Variants in PAXIP1 observed in about 807,000 individuals in gnomAD.
The protein encoded by PAXIP1 is PAX-interacting protein 1.
PAXIP1 carries 19 observed loss-of-function variants against 140.6 expected under a neutral mutation model. The observed-to-expected ratio is 0.14, with a 90% CI of 0.09 to 0.20. The LOEUF is 0.20. Among genes scored for constraint, PAXIP1 ranks in the 10% least tolerant of loss-of-function variants. The probability of loss-of-function intolerance (pLI) is 1.00; values close to 1 mark genes in which losing one functional copy is unlikely to be tolerated. For synonymous variants in PAXIP1, 442 were observed against 444.6 expected (o/e 0.99, Z 0.07); for missense variants, 920 against 1,208.6 (o/e 0.76, Z 3.54).
chr7:154,954,526 A>AT lies in PAXIP1; in HGVS notation c.2653-104dup. 4.2e-6 allele frequency: 3 copies of AT among 713,294 alleles called. No individual in the cohort carries two copies. The highest frequency in any genetic ancestry group is 6.0e-6 in the Non-Finnish European group (3 of 497,528). The allele number at this position is 713,294 out of a possible 1,614,324, so 44.2% of individuals were successfully genotyped here. A position where few individuals can be genotyped will look rare whatever the true frequency, so the allele number is the denominator to read the frequency against. ...GAATATCTACCTAAAGACAAGGTTTATGACTGTAATTCTCAGCCACAGAAA... is the reference window on the plus strand; with the variant it reads ...GAATATCTACCTAAAGACAAGGTTTATTGACTGTAATTCTCAGCCACAGAAA... On this transcript the variant is annotated intron_variant, in intron 15 of 20. Coordinates refer to ENST00000404141, the MANE Select transcript of PAXIP1 (RefSeq NM_007349.4). This position sits in a 1 kb window ranked among gnomAD's most constrained non-coding sequence, Gnocchi z 5.1.
intron 2 of PAXIP1, among the ~76,000 whole-genome samples, chr7:154,995,277 G>A (rs1810526969): frequency 6.6e-6 from 1 of 152,200 alleles, no homozygotes; most frequent in Non-Finnish European, 1.5e-5. Flanking sequence ...TTTAGGAAGG[G>A]CCAGTCTGGA....
At chr7:155,001,499 C>CT (rs773551845) in intron 1 of PAXIP1, 6,260 of 139,824 alleles carry the variant, frequency 0.045, 316 homozygotes, top group East Asian at 0.18. Flanking sequence ...AGATAGAAGG[C>CT]TTTTTTTTTT....
chr7:154,963,535 C>G lies in PAXIP1; in HGVS notation c.1989+136G>C, dbSNP rs1254186423. 8.0e-6 allele frequency: 5 copies of G among 623,494 alleles called. No homozygotes were observed. The highest frequency in any genetic ancestry group is 1.4e-5 in the Non-Finnish European group (5 of 346,788). 38.6% of individuals were successfully genotyped at this position (623,494 alleles called of 1,614,324 possible). A position where few individuals can be genotyped will look rare whatever the true frequency, so the allele number is the denominator to read the frequency against. ...ATATCAATCCCACCAAAGATTCGAT[C>G]ACAGGAAGAAGGAATTTTCCTATCT... is the stretch of plus-strand genomic sequence containing the variant. On this transcript the variant is annotated intron_variant, in intron 9 of 20. Transcript: ENST00000404141. This position sits in a 1 kb window ranked among gnomAD's most constrained non-coding sequence, Gnocchi z 4.1.
chr7:154,973,127 T>C lies in PAXIP1; in HGVS notation c.1074+2569A>G, dbSNP rs1437696911. ...AACTCGGCTGACCCCAGCGCTCTCA[T>C]GGGCACCCACCTGGACAATCCCTGG... On this transcript the variant is annotated intron_variant, in intron 6 of 20. Transcript: ENST00000404141. This position sits in a 1 kb window ranked among gnomAD's most constrained non-coding sequence, Gnocchi z 4.0. 3.3e-5 allele frequency among the ~76,000 whole-genome samples: 5 copies of C among 152,314 alleles called. No homozygotes were observed. The South Asian group carries it at 6.2e-4, about 19-fold the overall frequency.
intron 6 of PAXIP1, 74 bp downstream of exon 6, chr7:154,975,622 A>G: frequency 3.8e-6 from 4 of 1,065,002 alleles, no homozygotes; most frequent in Non-Finnish European, 4.0e-6. Flanking sequence ...AAACCAATAA[A>G]CTACATTGAA....
Position 154,961,598 on chromosome 7 carries a change from T to A in PAXIP1, c.2178A>T (p.Leu726Phe). The A allele has an allele frequency of 6.2e-7, 1 of 1,604,984 alleles. No homozygotes were observed. Among genetic ancestry groups the A allele is most frequent in the Non-Finnish European group, 8.5e-7 (1 of 1,174,682 alleles). The change falls in exon 11 of 21, where the codon TTA becomes TTT. Residue 726 changes from leucine (L) to phenylalanine (F), a missense_variant. By Grantham distance (22) the Leu-to-Phe change is conservative (BLOSUM62 0). Around this residue, in one of 5 missense-constraint regions of PAXIP1, gnomAD observed 303 missense variants for 517.9 expected, o/e 0.59. Coordinates refer to ENST00000404141, the MANE Select transcript of PAXIP1 (RefSeq NM_007349.4). The stretch of plus-strand genomic sequence containing the variant: ...ATTTGGCACCTGCCAAATAAGCCAT[T>A]AATTTTAGGTCATCTCTGTCACTAT... ...FVDSDRDDLK[L>F]MAYLAGAKYT...
At chr7:154,953,417 G>A (rs1808364416) in intron 16 of PAXIP1, among the ~76,000 whole-genome samples, 1 of 152,216 alleles carries the variant, frequency 6.6e-6, no homozygotes, top group South Asian at 2.1e-4. Flanking sequence ...TAGTGCCAGT[G>A]TGGTTGGGGC....
intron 13 of PAXIP1, among the ~76,000 whole-genome samples, chr7:154,958,098 G>C (rs1480467856): frequency 6.6e-6 from 1 of 151,676 alleles, no homozygotes; most frequent in African/African-American, 2.4e-5. Flanking sequence ...ATGACAATCA[G>C]ATCAACACTG....
At chr7:154,945,408 G>T in intron 20 of PAXIP1, 2 of 319,388 alleles carry the variant, frequency 6.3e-6, no homozygotes, top group Non-Finnish European at 9.1e-6. Flanking sequence ...ATGAATGTCA[G>T]TGTATTTAAA....
At chr7:154,980,991 C>T (rs954718263) in intron 5 of PAXIP1, among the ~76,000 whole-genome samples, 6 of 151,888 alleles carry the variant, frequency 4.0e-5, no homozygotes, top group African/African-American at 4.8e-5. Context: ...TGTGGTGGCA[C>T]GAGCCTGTAA....
rs1808409410 is a variant in PAXIP1 at position 154,954,236 on chromosome 7, T to TA, written c.2821+18dup. On this transcript the variant is annotated intron_variant, in intron 16 of 20. Transcript: ENST00000404141. The surrounding 1 kb of genome is among the most constrained non-coding windows in gnomAD (Gnocchi z 5.1). ...GTTTATTTGGCATTAAAAGCAAAGT[T>TA]ACTGGCGCTGCTCCTTACCAATGAA... 1 of 1,417,168 alleles carries TA rather than the reference T, an allele frequency of 7.1e-7. No individual in the cohort carries two copies. The highest frequency in any genetic ancestry group is 1.7e-5 in the South Asian group (1 of 58,536). 87.8% of individuals were successfully genotyped at this position (1,417,168 alleles called of 1,614,324 possible).
rs1050691310 is a variant in PAXIP1 at position 154,975,958 on chromosome 7, A to G, written c.812T>C (p.Val271Ala). 4.3e-6 allele frequency: 7 copies of G among 1,613,748 alleles called. No homozygotes were observed. The highest frequency in any genetic ancestry group is 5.9e-6 in the Non-Finnish European group (7 of 1,179,842). Residue 271 changes from valine to alanine, a missense_variant, in exon 6 of 21, where the codon GTC becomes GCC. Physicochemically the swap from Val to Ala is moderately conservative, Grantham distance 64. This residue lies in a region of PAXIP1 where 419 missense variants were observed against 514.7 expected (regional missense o/e 0.81). Transcript: ENST00000404141. ...GCGTTTTGCTGCAGCTAACTGTGGGACTTCGGCCGGGGTCCAGTTTAAATT... is the reference window on the plus strand; with the variant it reads ...GCGTTTTGCTGCAGCTAACTGTGGGGCTTCGGCCGGGGTCCAGTTTAAATT... ...ERNLNWTPAE[V>A]PQLAAAKRRL...
chr7:154,983,956 G>A (rs1157303625), intron 4 of PAXIP1, among the ~76,000 whole-genome samples: 1 of 152,162 alleles, frequency 6.6e-6, no homozygotes. Context: ...AGTCAAACAG[G>A]CTTTCACTGT....
In PAXIP1 at chr7:154,976,039, T is replaced by G. The variant is rs760696837; in HGVS notation, c.731A>C (p.Lys244Thr). Residue 244 changes from lysine (K) to threonine (T), a missense_variant, in exon 6 of 21, where the codon AAA (lysine) becomes ACA (threonine). Physicochemically the swap from Lys to Thr is moderately conservative, Grantham distance 78. This residue lies in a region of PAXIP1 where 419 missense variants were observed against 514.7 expected (regional missense o/e 0.81). Coordinates refer to ENST00000404141, the MANE Select transcript of PAXIP1 (RefSeq NM_007349.4). ...AGAATCATCAAACATTAATTCCCCTTTAGATTTTTCAGTGTTGGATTTAGG... is the reference window on the plus strand; with the variant it reads ...AGAATCATCAAACATTAATTCCCCTGTAGATTTTTCAGTGTTGGATTTAGG... ...FSPKSNTEKS[K>T]GELMFDDSSD... The G allele has an allele frequency of 4.8e-5, 77 of 1,607,628 alleles. No homozygotes were observed. The highest frequency in any genetic ancestry group is 6.0e-5 in the Non-Finnish European group (71 of 1,176,442).
intron 2 of PAXIP1, among the ~76,000 whole-genome samples, chr7:154,998,264 T>C (rs1288656325): frequency 6.6e-6 from 1 of 152,090 alleles, no homozygotes; most frequent in African/African-American, 2.4e-5. Flanking sequence ...CCCCAGCACT[T>C]TGGGAGGCTG....
rs1810071733 is a variant in PAXIP1, at chr7:154,986,390, C to T, written c.325-3058G>A. On this transcript the variant is annotated intron_variant, in intron 4 of 20. Coordinates refer to ENST00000404141, the MANE Select transcript of PAXIP1 (RefSeq NM_007349.4). The surrounding 1 kb of genome is among the most constrained non-coding windows in gnomAD (Gnocchi z 4.8). ...TGCTTCTGTACCTGGTGCCCACTTT[C>T]ATTTTTGCATATGTTGCAACATACC... 6.6e-6 allele frequency among the ~76,000 whole-genome samples: 1 copy of T among 152,156 alleles called. No homozygotes were observed. Among genetic ancestry groups the T allele is most frequent in the Admixed American group, 6.5e-5 (1 of 15,280 alleles).
At chr7:154,964,626 T>G (rs1200664298) in intron 8 of PAXIP1, 4 of 152,222 alleles carry the variant, frequency 2.6e-5, no homozygotes, top group African/African-American at 4.8e-5. Flanking sequence ...ATATTCCAAC[T>G]AACACTTTAT....
At chr7:154,944,361 C>G in intron 20 of PAXIP1, 197 bp from the exon 21 acceptor site, 2 of 511,278 alleles carry the variant, frequency 3.9e-6, no homozygotes, top group East Asian at 3.2e-5. Flanking sequence ...CAGGCTCACT[C>G]AGCCCGGGGA....
Position 154,963,677 on chromosome 7 carries a change from A to G in PAXIP1, c.1983T>C (p.Tyr661=). 8 of 1,611,494 alleles carry G rather than the reference A, an allele frequency of 5.0e-6. No individual in the cohort carries two copies. Among genetic ancestry groups the G allele is most frequent in the Non-Finnish European group, 5.9e-6 (7 of 1,178,132 alleles). ...CTAAGGCTATTTTCCTTACCTGTGC[A>G]TACGCGCTGCTGACTTGACTCTCAC... is the stretch of plus-strand genomic sequence containing the variant. ...LLCESQVSSA[Y]AQAIRERKRC... Residue 661 remains tyrosine, a synonymous_variant, in exon 9 of 21, where the codon TAT becomes TAC. Coordinates refer to ENST00000404141, the MANE Select transcript of PAXIP1 (RefSeq NM_007349.4). The surrounding 1 kb of genome is among the most constrained non-coding windows in gnomAD (Gnocchi z 4.1).
Sources: allele counts gnomAD v4.1 joint callset (sites outside exome capture counted in the v4.1 genomes callset), GRCh38; gene constraint gnomAD v4.1.1; regional missense constraint gnomAD v4.1.1; non-coding constraint Gnocchi (gnomAD v3.1); transcripts MANE v1.5; gene names NCBI Gene and HGNC (gene_info 2026-07-23, HGNC 2026-07-21).